PHKA1: variants seen among roughly 807,000 people sequenced by gnomAD.
PHKA1 encodes the protein phosphorylase kinase regulatory subunit alpha 1.
In PHKA1, 60 loss-of-function variants were observed where a neutral mutation model predicts 110.2. The observed-to-expected ratio is 0.54, with a 90% CI of 0.44 to 0.68. PHKA1 has a LOEUF of 0.68. Among genes scored for constraint, PHKA1 ranks in the 30% least tolerant of loss-of-function variants. PHKA1 has a pLI of 0.00. For synonymous variants in PHKA1, 316 were observed against 333.6 expected (o/e 0.95, Z 0.58); for missense variants, 801 against 942.5 (o/e 0.85, Z 1.97).
intron 8 of PHKA1, among the ~76,000 whole-genome samples, chrX:72,658,035 T>C (rs1285832002): frequency 8.9e-6 from 1 of 112,406 alleles, no homozygotes; most frequent in Non-Finnish European, 1.9e-5. Context: ...ACATATTTTT[T>C]ACATTTTGAG....
At chrX:72,674,159 G>A (rs1556310558) in intron 6 of PHKA1, among the ~76,000 whole-genome samples, 2 of 110,318 alleles carry the variant, frequency 1.8e-5, no homozygotes, top group African/African-American at 3.3e-5. Flanking sequence ...TGGCTGCATA[G>A]TATTCCATGG....
At chrX:72,584,764 T>G (rs1345130973) in intron 29 of PHKA1, among the ~76,000 whole-genome samples, 1 of 110,638 alleles carries the variant, frequency 9.0e-6, no homozygotes, top group East Asian at 2.8e-4. Flanking sequence ...TTTTTTTTAT[T>G]ATTATACTTT....
intron 6 of PHKA1, among the ~76,000 whole-genome samples, chrX:72,674,281 C>G (rs1556310657): frequency 9.1e-6 from 1 of 110,335 alleles, no homozygotes; most frequent in East Asian, 2.8e-4. Context: ...GTGCATGTGT[C>G]TTTATAGCAG....
intron 4 of PHKA1, among the ~76,000 whole-genome samples, chrX:72,693,487 G>C (rs1468103819): frequency 2.7e-5 from 3 of 112,228 alleles, no homozygotes; most frequent in African/African-American, 9.7e-5. Flanking sequence ...TCCAGAGCTA[G>C]TGGTGAGAAC....
At chrX:72,681,313 G>A (rs2053860408) in intron 5 of PHKA1, among the ~76,000 whole-genome samples, 1 of 109,813 alleles carries the variant, frequency 9.1e-6, no homozygotes, top group African/African-American at 3.2e-5. Context: ...GAGAAGTGAG[G>A]AGCCCCTCCG....
At chrX:72,685,845 T>C (rs2053960849) in intron 4 of PHKA1, among the ~76,000 whole-genome samples, 1 of 111,900 alleles carries the variant, frequency 8.9e-6, no homozygotes, top group South Asian at 3.7e-4. Flanking sequence ...CATATTTACT[T>C]GGTGGAGGCT....
intron 2 of PHKA1, among the ~76,000 whole-genome samples, chrX:72,705,728 A>C (rs1283107707): frequency 8.9e-6 from 1 of 112,233 alleles, no homozygotes; most frequent in Non-Finnish European, 1.9e-5. Context: ...AATAAGTATA[A>C]AGGGGATCTG....
chrX:72,679,636 G>A (rs2053819880), intron 5 of PHKA1, among the ~76,000 whole-genome samples: 1 of 111,128 alleles, frequency 9.0e-6, no homozygotes, highest in Non-Finnish European at 1.9e-5. Flanking sequence ...CGATAAAACT[G>A]TATCTGACCT....
chrX:72,584,374 T>G, intron 29 of PHKA1, 72 bp from the exon 30 acceptor site: 1 of 937,770 alleles, frequency 1.1e-6, no homozygotes, highest in South Asian at 2.0e-5. Context: ...GGGGAGGCTA[T>G]GAGGAGACGC....
chrX:72,652,700 G>A lies in PHKA1; in HGVS notation c.1138-49C>T, dbSNP rs782340326. 7 of 738,200 alleles carry A rather than the reference G, an allele frequency of 9.5e-6. No homozygotes were observed. In the Admixed American group the frequency reaches 1.7e-4, roughly 18 times the overall value. The allele number at this position is 738,200 out of a possible 1,213,427, so 60.8% of individuals were successfully genotyped here. A position where few individuals can be genotyped will look rare whatever the true frequency, so the allele number is the denominator to read the frequency against. ...AGATGAGGAATAATAGAAGGTTTAA[G>A]ATACTGGATAATAAAAAGGTGGACT... On this transcript the variant is annotated intron_variant, in intron 11 of 31. Coordinates refer to ENST00000373542, the MANE Select transcript of PHKA1 (RefSeq NM_002637.4).
intron 6 of PHKA1, among the ~76,000 whole-genome samples, chrX:72,675,609 G>A (rs2053769987): frequency 9.0e-6 from 1 of 110,856 alleles, no homozygotes; most frequent in Non-Finnish European, 1.9e-5. Flanking sequence ...ATAGTGGGTA[G>A]GATGAAAAAG....
chrX:72,708,214 G>A (rs1556333253), intron 2 of PHKA1, among the ~76,000 whole-genome samples: 1 of 111,716 alleles, frequency 9.0e-6, no homozygotes, highest in Non-Finnish European at 1.9e-5. Flanking sequence ...TTCATCTCTG[G>A]GCCTCAGTCC....
Position 72,626,070 on chromosome X carries a change from GTGTATATATA to G in PHKA1, c.1793+891_1793+900del, listed in dbSNP as rs2053060738. ...AGCAAAAAAGCATGTGTGTACATGTGTGTATATATATGTATATATATATAAAACACATAGT... is the reference window on the plus strand; with the variant it reads ...AGCAAAAAAGCATGTGTGTACATGTGTGTATATATATATAAAACACATAGT... On this transcript the variant is annotated intron_variant, in intron 17 of 31. Coordinates refer to ENST00000373542, the MANE Select transcript of PHKA1 (RefSeq NM_002637.4). 4.5e-5 allele frequency among the ~76,000 whole-genome samples: 5 copies of G among 110,324 alleles called. No individual in the cohort carries two copies. In the South Asian group the frequency reaches 1.6e-3, roughly 34 times the overall value.
chrX:72,710,840 ATTTTTT>A (rs1201811776), intron 2 of PHKA1, among the ~76,000 whole-genome samples: 2 of 78,782 alleles, frequency 2.5e-5, no homozygotes, highest in East Asian at 3.3e-4. Flanking sequence ...TTATTTTTTT[ATTTTTT>A]TTTTTATTTT....
intron 4 of PHKA1, 128 bp from the exon 5 acceptor site, chrX:72,684,708 C>T: frequency 2.0e-6 from 1 of 494,284 alleles, no homozygotes; most frequent in Admixed American, 2.9e-5. Flanking sequence ...CAATGGAAGG[C>T]ACTTTGATCT....
At chrX:72,606,268 G>A (rs1347777945) in intron 23 of PHKA1, among the ~76,000 whole-genome samples, 1 of 111,010 alleles carries the variant, frequency 9.0e-6, no homozygotes, top group Non-Finnish European at 1.9e-5. Flanking sequence ...TGGAATACTA[G>A]CTGTGCCTTT....
intron 17 of PHKA1, among the ~76,000 whole-genome samples, chrX:72,626,120 C>CGT (rs782319721): frequency 1.9e-5 from 2 of 106,091 alleles, no homozygotes; most frequent in Non-Finnish European, 3.9e-5. Flanking sequence ...GTAGTATGTA[C>CGT]GTGTGTGTGT....
chrX:72,666,939 T>C (rs1470247460), intron 7 of PHKA1, among the ~76,000 whole-genome samples: 1 of 112,341 alleles, frequency 8.9e-6, no homozygotes, highest in African/African-American at 3.2e-5. Flanking sequence ...AAACTGAAAA[T>C]ACATATTTGC....
At chrX:72,598,983 T>C (rs1217431629) in intron 28 of PHKA1, among the ~76,000 whole-genome samples, 11 of 111,202 alleles carry the variant, frequency 9.9e-5, no homozygotes, top group Non-Finnish European at 1.9e-4. Flanking sequence ...GTCTTGTTTA[T>C]ACCACCAAGA....
Sources: gnomAD v4.1 joint callset for allele counts (sites outside exome capture counted in the v4.1 genomes callset) on GRCh38, gnomAD v4.1.1 for gene constraint, MANE v1.5 for transcripts, NCBI Gene and HGNC (gene_info 2026-07-23, HGNC 2026-07-21) for gene names.